GSE1: variants seen among roughly 807,000 people sequenced by gnomAD.
The protein encoded by GSE1 is genetic suppressor element 1.
Under a neutral mutation model 112.6 loss-of-function variants are expected in GSE1, and 32 were observed. The ratio of observed to expected loss-of-function variants is 0.28; its 90% confidence interval spans 0.21 to 0.38. The LOEUF is 0.38. GSE1 is among the 10% of genes least tolerant of loss of function. The pLI is 1.00. For synonymous variants in GSE1, 1,115 were observed against 735.6 expected (o/e 1.52, Z -8.35); for missense variants, 2,348 against 1,699.2 (o/e 1.38, Z -6.71).
intron 2 of GSE1, among the ~76,000 whole-genome samples, chr16:85,470,359 C>G (rs1283565683): frequency 6.6e-6 from 1 of 152,218 alleles, no homozygotes; most frequent in Non-Finnish European, 1.5e-5. Context: ...CAGCACACCA[C>G]TGGGCAGAGC....
chr16:85,268,156 T>G (rs538640639), intron 1 of GSE1, among the ~76,000 whole-genome samples: 1 of 152,152 alleles, frequency 6.6e-6, no homozygotes, highest in East Asian at 1.9e-4. Context: ...TCCTGCTGCC[T>G]TGGGGGGATT....
chr16:85,273,614 G>A (rs28445392), intron 1 of GSE1, among the ~76,000 whole-genome samples: 30,489 of 152,094 alleles, frequency 0.2, 4,610 homozygotes, highest in African/African-American at 0.42. Flanking sequence ...CAGTCCATAG[G>A]GTCGGAAAGC....
At chr16:85,510,897 G>A (rs1166483210) in intron 2 of GSE1, among the ~76,000 whole-genome samples, 4 of 152,132 alleles carry the variant, frequency 2.6e-5, no homozygotes, top group Admixed American at 6.5e-5. Context: ...TCATGCTCCC[G>A]GCTCCTCCTT....
intron 2 of GSE1, among the ~76,000 whole-genome samples, chr16:85,640,533 C>G (rs1320061417): frequency 1.3e-5 from 2 of 152,240 alleles, no homozygotes; most frequent in East Asian, 1.9e-4. Context: ...GAGGCAGATC[C>G]GGTTACTGTC....
At chr16:85,171,949 T>C in intron 1 of GSE1, 3 of 370,376 alleles carry the variant, frequency 8.1e-6, no homozygotes, top group Non-Finnish European at 1.1e-5. Flanking sequence ...GGAGGTACCC[T>C]CCCTGAGTCA....
chr16:85,662,134 C>T lies in GSE1; in HGVS notation c.2260+369C>T, dbSNP rs562147244. 5.9e-5 allele frequency among the ~76,000 whole-genome samples: 9 copies of T among 152,306 alleles called. No homozygotes were observed. The South Asian group carries it at 1.0e-3, about 18-fold the overall frequency. On this transcript the variant is annotated intron_variant, in intron 9 of 15. Transcript: ENST00000253458. Reference sequence around the variant, plus strand: ...AGCCGGCCTGGGCTCAGCGGGGGCTCCACATACAGGGCCGCTGCCACGAGC... The same window carrying T: ...AGCCGGCCTGGGCTCAGCGGGGGCTTCACATACAGGGCCGCTGCCACGAGC...
intron 1 of GSE1, among the ~76,000 whole-genome samples, chr16:85,566,673 A>G (rs920090210): frequency 2.6e-5 from 4 of 152,202 alleles, no homozygotes; most frequent in African/African-American, 9.7e-5. Flanking sequence ...AACCGGCCCC[A>G]ACCCTCCCCA....
At chr16:85,230,438 CA>C (rs1904275484) in intron 1 of GSE1, among the ~76,000 whole-genome samples, 1 of 152,160 alleles carries the variant, frequency 6.6e-6, no homozygotes, top group African/African-American at 2.4e-5. Flanking sequence ...CTCACTCAAG[CA>C]AAAGGGGGTT....
intron 2 of GSE1, among the ~76,000 whole-genome samples, chr16:85,546,922 C>T (rs531942576): frequency 3.3e-5 from 5 of 152,336 alleles, no homozygotes; most frequent in South Asian, 2.1e-4. Context: ...CAGATGGCCA[C>T]GTCCGATGAT....
chr16:85,172,120 C>T (rs944770232), intron 1 of GSE1, among the ~76,000 whole-genome samples: 1 of 152,134 alleles, frequency 6.6e-6, no homozygotes, highest in African/African-American at 2.4e-5. Context: ...TGGGATCTAT[C>T]AAACAGAGGA....
chr16:85,629,086 C>A (rs1178933597), intron 1 of GSE1, among the ~76,000 whole-genome samples: 2 of 152,228 alleles, frequency 1.3e-5, no homozygotes, highest in Admixed American at 1.3e-4. Flanking sequence ...TCTCTCACCA[C>A]TGGATGTGCT....
chr16:85,420,299 T>G (rs2048805883), intron 2 of GSE1, among the ~76,000 whole-genome samples: 2 of 151,880 alleles, frequency 1.3e-5, no homozygotes, highest in African/African-American at 2.4e-5. Flanking sequence ...CTGGAGGGAG[T>G]GTGGCCCTGC....
intron 2 of GSE1, among the ~76,000 whole-genome samples, chr16:85,498,208 C>T (rs952175443): frequency 1.3e-5 from 2 of 152,152 alleles, no homozygotes; most frequent in Non-Finnish European, 2.9e-5. Flanking sequence ...ATCCTCCCAG[C>T]CTGTGCCCAT....
intron 2 of GSE1, among the ~76,000 whole-genome samples, chr16:85,366,036 A>G (rs1368446928): frequency 1.3e-5 from 2 of 152,284 alleles, no homozygotes; most frequent in Admixed American, 1.3e-4. Context: ...GGTGACCACC[A>G]GAAACCCTGG....
At chr16:85,473,433 T>A (rs1015467669) in intron 2 of GSE1, among the ~76,000 whole-genome samples, 1 of 152,036 alleles carries the variant, frequency 6.6e-6, no homozygotes, top group Non-Finnish European at 1.5e-5. Flanking sequence ...AAACCACAGA[T>A]GTTTGTTCTC....
chr16:85,241,902 G>A (rs1358954029), intron 1 of GSE1, among the ~76,000 whole-genome samples: 1 of 151,948 alleles, frequency 6.6e-6, no homozygotes, highest in Admixed American at 6.5e-5. Context: ...TGGGCATCCT[G>A]TCCTCCCTTC....
chr16:85,174,072 G>A (rs1191273737), intron 1 of GSE1, among the ~76,000 whole-genome samples: 2 of 152,212 alleles, frequency 1.3e-5, no homozygotes, highest in East Asian at 3.8e-4. Flanking sequence ...GCTGCCTGGA[G>A]GAGGTGGAGC....
intron 1 of GSE1, among the ~76,000 whole-genome samples, chr16:85,631,683 C>G (rs893971517): frequency 1.3e-5 from 2 of 152,262 alleles, no homozygotes; most frequent in Non-Finnish European, 2.9e-5. Flanking sequence ...TCTGAAGCCC[C>G]TCATGTCAGT....
intron 2 of GSE1, among the ~76,000 whole-genome samples, chr16:85,533,957 CAT>C (rs1262109504): frequency 3.3e-5 from 5 of 152,148 alleles, no homozygotes; most frequent in Non-Finnish European, 7.3e-5. Flanking sequence ...TGGTGTCTGA[CAT>C]ATGCGTACGT....
Sources: allele counts gnomAD v4.1 joint callset (sites outside exome capture counted in the v4.1 genomes callset), GRCh38; gene constraint gnomAD v4.1.1; transcripts MANE v1.5; gene names NCBI Gene and HGNC (gene_info 2026-07-23, HGNC 2026-07-21).